ANK3: variants seen among roughly 807,000 people sequenced by gnomAD.
The protein encoded by ANK3 is ankyrin-3.
In ANK3, 57 loss-of-function variants were observed where a neutral mutation model predicts 370.9. That is an observed-to-expected ratio of 0.15 (90% CI 0.12 to 0.19). The LOEUF is 0.19. ANK3 is among the 10% of genes least tolerant of loss of function. ANK3 has a pLI of 1.00. For synonymous variants in ANK3, 1,929 were observed against 1,946.3 expected (o/e 0.99, Z 0.23); for missense variants, 4,439 against 5,302.1 (o/e 0.84, Z 5.06).
chr10:60,395,624 C>CGT (rs1397188097), intron 2 of ANK3, among the ~76,000 whole-genome samples: 862 of 60,874 alleles, frequency 0.014, 7 homozygotes, highest in Middle Eastern at 0.04. Flanking sequence ...TTCGTTCTCT[C>CGT]TCTCTCTCTC....
At chr10:60,562,811 A>C (rs548922048) in intron 2 of ANK3, among the ~76,000 whole-genome samples, 1 of 152,360 alleles carries the variant, frequency 6.6e-6, no homozygotes, top group Non-Finnish European at 1.5e-5. Context: ...AGTGCATAAA[A>C]GTCATATCCA....
chr10:60,458,891 T>C (rs2064815577), intron 2 of ANK3, among the ~76,000 whole-genome samples: 1 of 152,090 alleles, frequency 6.6e-6, no homozygotes, highest in Non-Finnish European at 1.5e-5. Context: ...ACCTAAAACA[T>C]CAAGGAATTT....
At chr10:60,113,151 G>A (rs2092830565) in intron 26 of ANK3, among the ~76,000 whole-genome samples, 1 of 151,816 alleles carries the variant, frequency 6.6e-6, no homozygotes, top group African/African-American at 2.4e-5. Flanking sequence ...GCTACTCGGT[G>A]TGGTTTTTAA....
intron 1 of ANK3, among the ~76,000 whole-genome samples, chr10:60,682,488 T>C (rs1443695265): frequency 6.6e-6 from 1 of 152,020 alleles, no homozygotes; most frequent in Non-Finnish European, 1.5e-5. Context: ...CTTGTTACAG[T>C]CTTTTGTTAT....
chr10:60,702,955 AT>A (rs2079565332), intron 1 of ANK3, among the ~76,000 whole-genome samples: 1 of 152,188 alleles, frequency 6.6e-6, no homozygotes, highest in Non-Finnish European at 1.5e-5. Context: ...AACACAGGGA[AT>A]AAAAGAACTT....
intron 2 of ANK3, among the ~76,000 whole-genome samples, chr10:60,513,516 C>A (rs1228145299): frequency 1.3e-5 from 2 of 151,864 alleles, no homozygotes; most frequent in Admixed American, 1.3e-4. Context: ...GGAGTTGAGT[C>A]TTAATATAAG....
chr10:60,369,216 T>G (rs567093138), intron 1 of ANK3, among the ~76,000 whole-genome samples: 1 of 152,360 alleles, frequency 6.6e-6, no homozygotes, highest in East Asian at 1.9e-4. Flanking sequence ...CATCTTTGGC[T>G]GCACATTTAC....
chr10:60,613,939 T>G (rs906396880), intron 2 of ANK3, among the ~76,000 whole-genome samples: 1 of 151,960 alleles, frequency 6.6e-6, no homozygotes, highest in African/African-American at 2.4e-5. Flanking sequence ...TTGGGCATGG[T>G]GGTGTGTGCC....
In ANK3 at chr10:60,469,659, G is replaced by GTATATATA. The variant is rs1162173625; in HGVS notation, c.96+145519_96+145526dup. ...TATATATATATATATATATATGGTG[G>GTATATATA]TATATATATATATATATATATGGTG... On this transcript the variant is annotated intron_variant, in intron 2 of 43. Transcript: ENST00000373827. Among the ~76,000 whole-genome samples, 8 of 3,830 alleles carry GTATATATA rather than the reference G, an allele frequency of 2.1e-3. 3 individuals are homozygous for GTATATATA. The highest frequency in any genetic ancestry group is 4.5e-3 in the African/African-American group (5 of 1,122). 2.5% of individuals were successfully genotyped at this position (3,830 alleles called of 152,430 possible).
intron 1 of ANK3, among the ~76,000 whole-genome samples, chr10:60,384,321 C>T (rs954356402): frequency 1.3e-5 from 2 of 152,070 alleles, no homozygotes; most frequent in Admixed American, 6.5e-5. Context: ...TAAGAAAAAA[C>T]ATTAAAATTT....
At chr10:60,499,920 A>G (rs922869740) in intron 2 of ANK3, among the ~76,000 whole-genome samples, 2 of 152,176 alleles carry the variant, frequency 1.3e-5, no homozygotes, top group Admixed American at 1.3e-4. Flanking sequence ...GCCCCATCCT[A>G]TATCTACTGA....
At chr10:60,561,496 A>C (rs2133249365) in intron 2 of ANK3, among the ~76,000 whole-genome samples, 1 of 152,360 alleles carries the variant, frequency 6.6e-6, no homozygotes, top group South Asian at 2.1e-4. Context: ...AAAGTTCATC[A>C]TTCATTCACT....
chr10:60,666,062 T>C (rs900330890), intron 1 of ANK3, among the ~76,000 whole-genome samples: 1 of 152,194 alleles, frequency 6.6e-6, no homozygotes, highest in African/African-American at 2.4e-5. Flanking sequence ...ACTTTGGGTA[T>C]AGACCCCAAA....
chr10:60,153,981 G>A (rs1369240151), intron 23 of ANK3, among the ~76,000 whole-genome samples: 1 of 152,190 alleles, frequency 6.6e-6, no homozygotes, highest in African/African-American at 2.4e-5. Context: ...GATCAAACAT[G>A]TATTGAAGAT....
chr10:60,215,420 T>C (rs1010902339), intron 8 of ANK3, among the ~76,000 whole-genome samples: 33 of 152,336 alleles, frequency 2.2e-4, no homozygotes, highest in African/African-American at 7.7e-4. Flanking sequence ...GTTTTTGTCA[T>C]GAAATCTTTG....
chr10:60,128,572 G>C (rs918769718), intron 25 of ANK3, among the ~76,000 whole-genome samples: 1 of 151,944 alleles, frequency 6.6e-6, no homozygotes, highest in Non-Finnish European at 1.5e-5. Context: ...GTAGAGACAG[G>C]GTTTCACCAT....
At chr10:60,146,308 A>G (rs1205123098) in intron 23 of ANK3, among the ~76,000 whole-genome samples, 2 of 152,210 alleles carry the variant, frequency 1.3e-5, no homozygotes, top group East Asian at 3.8e-4. Flanking sequence ...TTAATGTGGT[A>G]CTTCTAGTAG....
intron 2 of ANK3, among the ~76,000 whole-genome samples, chr10:60,593,861 G>A (rs1162438417): frequency 6.6e-6 from 1 of 152,174 alleles, no homozygotes; most frequent in Non-Finnish European, 1.5e-5. Flanking sequence ...TTCTGTGAAT[G>A]AAATGCCTGT....
chr10:60,377,942 G>C (rs1305489740), intron 1 of ANK3, among the ~76,000 whole-genome samples: 1 of 152,126 alleles, frequency 6.6e-6, no homozygotes, highest in African/African-American at 2.4e-5. Context: ...CCTAACTTTT[G>C]CTAGCAGGTT....
Sources: gnomAD v4.1 joint callset for allele counts (sites outside exome capture counted in the v4.1 genomes callset) on GRCh38, gnomAD v4.1.1 for gene constraint, MANE v1.5 for transcripts, NCBI Gene and HGNC (gene_info 2026-07-23, HGNC 2026-07-21) for gene names.